CSMD3: variants seen among roughly 807,000 people sequenced by gnomAD.
CSMD3 encodes the protein CUB and Sushi multiple domains 3.
A neutral mutation model predicts 435.2 loss-of-function variants in CSMD3; 177 were observed. That is an observed-to-expected ratio of 0.41 (90% CI 0.36 to 0.46). CSMD3 has a LOEUF of 0.46. Among genes scored for constraint, CSMD3 ranks in the 20% least tolerant of loss-of-function variants. The pLI is 0.34. For synonymous variants in CSMD3, 1,656 were observed against 1,520.5 expected, an observed-to-expected ratio of 1.09 and a Z score of -2.07; for missense variants, 4,265 against 4,504.6, an observed-to-expected ratio of 0.95 and a Z score of 1.52.
chr8:112,646,176 T>G (rs1375376892), intron 19 of CSMD3, among the ~76,000 whole-genome samples: 1 of 152,192 alleles, frequency 6.6e-6, no homozygotes, highest in Non-Finnish European at 1.5e-5. Context: ...TCTACTGAGT[T>G]AAAACCTACA....
In CSMD3 at chr8:113,173,069, TAG is replaced by T. The variant is rs1384782684; in HGVS notation, c.709+651_709+652del. Among the ~76,000 whole-genome samples the T allele has an allele frequency of 3.9e-5, 6 of 152,308 alleles. No individual in the cohort carries two copies. In the East Asian group the frequency reaches 1.2e-3, roughly 29 times the overall value. On this transcript the variant is annotated intron_variant, in intron 4 of 70. Coordinates refer to ENST00000297405, the MANE Select transcript of CSMD3 (RefSeq NM_198123.2). ...CATGCTGTCGTCTATCAGAAAGATT[TAG>T]ACTCAGTCAATATTTCTTAAAGCAA...
chr8:112,308,763 ATAG>A (rs1425530137), intron 50 of CSMD3, among the ~76,000 whole-genome samples: 1 of 152,082 alleles, frequency 6.6e-6, no homozygotes, highest in African/African-American at 2.4e-5. Context: ...CCAAATAGAT[ATAG>A]CTGACTAATT....
chr8:112,412,596 A>G (rs768375185), intron 32 of CSMD3, among the ~76,000 whole-genome samples: 1 of 152,156 alleles, frequency 6.6e-6, no homozygotes, highest in Non-Finnish European at 1.5e-5. Flanking sequence ...GAAAAAATCA[A>G]TTTTTATAGT....
intron 66 of CSMD3, among the ~76,000 whole-genome samples, chr8:112,240,120 AT>A (rs1465946080): frequency 6.6e-6 from 1 of 152,038 alleles, no homozygotes; most frequent in African/African-American, 2.4e-5. Flanking sequence ...TGAGTTATTT[AT>A]TATTACTAAT....
At chr8:113,429,393 A>G (rs2094656666) in intron 1 of CSMD3, among the ~76,000 whole-genome samples, 1 of 152,010 alleles carries the variant, frequency 6.6e-6, no homozygotes, top group South Asian at 2.1e-4. Context: ...AATTGTCTAC[A>G]GATTATAAGA....
chr8:112,260,960 T>G (rs764833257), intron 61 of CSMD3, among the ~76,000 whole-genome samples: 6 of 152,184 alleles, frequency 3.9e-5, no homozygotes, highest in Non-Finnish European at 7.4e-5. Flanking sequence ...TTTATAAAGT[T>G]ATTTTTAAAA....
intron 4 of CSMD3, among the ~76,000 whole-genome samples, chr8:113,165,758 A>C (rs1879739): frequency 0.14 from 21,570 of 152,100 alleles, 2,854 homozygotes; most frequent in African/African-American, 0.35. Context: ...GAAGGAATAA[A>C]AAACTTGAAC....
chr8:113,152,205 G>C lies in CSMD3; in HGVS notation c.709+21517C>G, dbSNP rs376070277. ...CATCCAAGATTGTGAAACCAAGATG[G>C]AGCAAGTAGACAAAACTTAAAATCA... On this transcript the variant is annotated intron_variant, in intron 4 of 70. Transcript: ENST00000297405. Among the ~76,000 whole-genome samples the C allele has an allele frequency of 2.8e-4, 42 of 151,960 alleles. No individual in the cohort carries two copies. In the South Asian group the frequency reaches 8.7e-3, roughly 32 times the overall value.
At chr8:113,336,029 TC>T (rs2132811243) in intron 1 of CSMD3, among the ~76,000 whole-genome samples, 1 of 152,210 alleles carries the variant, frequency 6.6e-6, no homozygotes, top group Admixed American at 6.5e-5. Flanking sequence ...CTTTCCCTTC[TC>T]CTTTTATAAT....
intron 11 of CSMD3, among the ~76,000 whole-genome samples, chr8:112,846,149 TAA>T (rs1457147080): frequency 2.6e-5 from 4 of 152,012 alleles, no homozygotes; most frequent in African/African-American, 7.2e-5. Context: ...AGTACAAAAT[TAA>T]AGTGGAAAAT....
intron 22 of CSMD3, among the ~76,000 whole-genome samples, chr8:112,605,724 A>T (rs1019825887): frequency 6.6e-6 from 1 of 152,138 alleles, no homozygotes; most frequent in Non-Finnish European, 1.5e-5. Flanking sequence ...TGTACACCAA[A>T]CAGCCATGAC....
chr8:113,223,927 T>A (rs560560360), intron 3 of CSMD3, among the ~76,000 whole-genome samples: 1 of 151,094 alleles, frequency 6.6e-6, no homozygotes, highest in African/African-American at 2.4e-5. Context: ...AAAAAGAAAC[T>A]TAAGAAAGAA....
chr8:113,077,278 A>T (rs2089380827), intron 5 of CSMD3, among the ~76,000 whole-genome samples: 1 of 152,102 alleles, frequency 6.6e-6, no homozygotes, highest in Non-Finnish European at 1.5e-5. Context: ...TTCCAACTAA[A>T]TGTAATCTTA....
rs2131302344 is a variant in CSMD3 at position 112,573,641 on chromosome 8, T to A, written c.3902A>T (p.Asp1301Val). 6.2e-7 allele frequency: 1 copy of A among 1,611,192 alleles called. No individual in the cohort carries two copies. The highest frequency in any genetic ancestry group is 1.7e-5 in the Admixed American group (1 of 59,934). The change falls in exon 24 of 71, where the codon GAT (aspartate) becomes GTT (valine). Residue 1301 changes from aspartate to valine, a missense_variant. Transcript: ENST00000297405. ...GDVLKIYDGKDKTTHLLGAFT... is the reference protein window; with the variant it reads ...GDVLKIYDGKVKTTHLLGAFT... ...AGCACCTAGTAGATGAGTCGTTTTA[T>A]CTTTTCCATCATAAATCTGCAAAAT...
rs572871973 is a variant in CSMD3, at chr8:112,261,637, G to A, written c.9862+2002C>T. ...ACAATATTCTTGAACATGTCTCCTC[G>A]TGCACATATATGAAAATTCCAGTAG... On this transcript the variant is annotated intron_variant, in intron 61 of 70. Transcript: ENST00000297405. 6.6e-5 allele frequency among the ~76,000 whole-genome samples: 10 copies of A among 151,874 alleles called. No homozygotes were observed. In the South Asian group the frequency reaches 8.3e-4, roughly 13 times the overall value.
At chr8:112,966,892 C>G (rs1041534472) in intron 7 of CSMD3, among the ~76,000 whole-genome samples, 1 of 151,750 alleles carries the variant, frequency 6.6e-6, no homozygotes, top group Non-Finnish European at 1.5e-5. Flanking sequence ...CTATATTATC[C>G]AAGATAGCTT....
intron 13 of CSMD3, among the ~76,000 whole-genome samples, chr8:112,749,722 A>G (rs2077523164): frequency 6.6e-6 from 1 of 152,146 alleles, no homozygotes; most frequent in Admixed American, 6.5e-5. Flanking sequence ...GAAAATATTC[A>G]GTGGTTTTAT....
Position 112,729,734 on chromosome 8 carries a change from A to T in CSMD3, c.1973-39684T>A, listed in dbSNP as rs181344231. On this transcript the variant is annotated intron_variant, in intron 13 of 70. Transcript: ENST00000297405. ...TTTCCTCTCTCTTATATGGACACACAGAAGAGAAGACAATCAAAATAGAGA... is the reference window on the plus strand; with the variant it reads ...TTTCCTCTCTCTTATATGGACACACTGAAGAGAAGACAATCAAAATAGAGA... Among the ~76,000 whole-genome samples the T allele has an allele frequency of 8.8e-4, 134 of 152,224 alleles. 1 individual carries two copies. Among genetic ancestry groups the T allele is most frequent in the African/African-American group, 3.1e-3 (128 of 41,566 alleles).
chr8:113,112,092 G>T (rs2131599721), intron 4 of CSMD3, among the ~76,000 whole-genome samples: 1 of 151,962 alleles, frequency 6.6e-6, no homozygotes, highest in East Asian at 1.9e-4. Context: ...ATTTCAAAAT[G>T]TCTTATAAAA....
Sources: gnomAD v4.1 joint callset for allele counts (sites outside exome capture counted in the v4.1 genomes callset) on GRCh38, gnomAD v4.1.1 for gene constraint, MANE v1.5 for transcripts, NCBI Gene and HGNC (gene_info 2026-07-23, HGNC 2026-07-21) for gene names.